The following ERCC1 variants were observed in gnomAD, a reference collection of about 807,000 sequenced individuals.
ERCC1 encodes the protein DNA excision repair protein ERCC-1.
In ERCC1, 36 loss-of-function variants were observed where a neutral mutation model predicts 37.6. The ratio of observed to expected loss-of-function variants is 0.96; its 90% confidence interval spans 0.73 to 1.26. ERCC1 has a LOEUF of 1.26. Among genes scored for constraint, ERCC1 ranks in the 50% most tolerant of loss-of-function variants. The pLI, the probability that ERCC1 is intolerant of heterozygous loss-of-function variation, is 0.00. For synonymous variants in ERCC1, 156 were observed against 162.1 expected, an observed-to-expected ratio of 0.96 and a Z score of 0.28; for missense variants, 349 against 376.5, an observed-to-expected ratio of 0.93 and a Z score of 0.60.
chr19:45,408,321 T>C lies in ERCC1; in HGVS notation c.*1354A>G. On this transcript the variant is annotated 3_prime_UTR_variant, in exon 10 of 10. Coordinates refer to ENST00000300853, the MANE Select transcript of ERCC1 (RefSeq NM_001983.4). Reference sequence around the variant, plus strand: ...GCCCCCCAGGGCACCCTAAGGATCCTTGAGGGTCCCCAGCAATCCCTGTCA... The same window carrying C: ...GCCCCCCAGGGCACCCTAAGGATCCCTGAGGGTCCCCAGCAATCCCTGTCA... 2 of 1,610,368 alleles carry C rather than the reference T, an allele frequency of 1.2e-6. No individual in the cohort carries two copies. The highest frequency in any genetic ancestry group is 8.5e-7 in the Non-Finnish European group (1 of 1,177,488).
At chr19:45,417,175 T>C (rs1351927477) in intron 5 of ERCC1, among the ~76,000 whole-genome samples, 1 of 152,104 alleles carries the variant, frequency 6.6e-6, no homozygotes, top group African/African-American at 2.4e-5. Context: ...TCTCACCCAA[T>C]TGTCACTCTC....
At chr19:45,428,239 C>A (rs1175110809), upstream of ERCC1, among the ~76,000 whole-genome samples, 6 of 143,152 alleles carry the variant, frequency 4.2e-5, no homozygotes, top group Admixed American at 4.2e-4. Context: ...CGCGCCACCA[C>A]GCCTGGCCAA....
intron 4 of ERCC1, 64 bp from the exon 5 acceptor site, chr19:45,419,261 T>A: frequency 8.8e-7 from 1 of 1,137,566 alleles, no homozygotes; most frequent in South Asian, 1.3e-5. Flanking sequence ...AAAGCCCTTT[T>A]CCCTCTCACT....
intron 2 of ERCC1, among the ~76,000 whole-genome samples, chr19:45,421,837 T>C (rs1473575878): frequency 6.6e-6 from 1 of 151,936 alleles, no homozygotes; most frequent in East Asian, 1.9e-4. Flanking sequence ...TTCAACATGT[T>C]GTCCAGGCTG....
At chr19:45,428,083 C>CTTTTTTTTTTTTTTTTT (rs5828235), upstream of ERCC1, among the ~76,000 whole-genome samples, 3 of 116,014 alleles carry the variant, frequency 2.6e-5, no homozygotes, top group African/African-American at 7.7e-5. Flanking sequence ...TTCTTTCTTT[C>CTTTTTTTTTTTTTTTTT]TTTTTTTTTT....
intron 1 of ERCC1, among the ~76,000 whole-genome samples, chr19:45,451,051 C>T (rs1036614140): frequency 4.6e-5 from 7 of 151,994 alleles, no homozygotes; most frequent in Admixed American, 2.0e-4. Flanking sequence ...GCCGGGAGCC[C>T]GGGGCGGGGG....
In ERCC1 at chr19:45,420,803, A is replaced by G. The variant is rs1974369638; in HGVS notation, c.321+375T>C. Among the ~76,000 whole-genome samples the G allele has an allele frequency of 6.6e-6, 1 of 151,978 alleles. No homozygotes were observed. Among genetic ancestry groups the G allele is most frequent in the Admixed American group, 6.6e-5 (1 of 15,238 alleles). The stretch of plus-strand genomic sequence containing the variant: ...ACGCCCAGCAACTTTTTGTGTTTTT[A>G]GTAGAGATGGGGTGTCACCATATTC... On this transcript the variant is annotated intron_variant, in intron 3 of 9. Coordinates refer to ENST00000300853, the MANE Select transcript of ERCC1 (RefSeq NM_001983.4). This position sits in a 1 kb window ranked among gnomAD's most constrained non-coding sequence, Gnocchi z 4.8.
chr19:45,408,558 T>C lies in ERCC1; in HGVS notation c.*1117A>G. 6.2e-7 allele frequency: 1 copy of C among 1,613,118 alleles called. No individual in the cohort carries two copies. The highest frequency in any genetic ancestry group is 8.5e-7 in the Non-Finnish European group (1 of 1,179,774). On this transcript the variant is annotated 3_prime_UTR_variant, in exon 10 of 10. Transcript: ENST00000300853. ...GAGGCAGTGAATGGGCACGGGGCCC[T>C]GGAGGTGGACATGGCTTTGGGGTCG... is the stretch of plus-strand genomic sequence containing the variant.
In ERCC1 at chr19:45,420,238, T is replaced by A; in HGVS notation, c.425+86A>T. 1.1e-6 allele frequency: 1 copy of A among 897,540 alleles called. No individual in the cohort carries two copies. Among genetic ancestry groups the A allele is most frequent in the East Asian group, 2.6e-5 (1 of 38,040 alleles). The allele number at this position is 897,540 out of a possible 1,614,324, so 55.6% of individuals were successfully genotyped here. A position where few individuals can be genotyped will look rare whatever the true frequency, so the allele number is the denominator to read the frequency against. ...CAGGACCATGCCCAGAGGCTTCTCATAGAACAGTCCAGAACACTGGGACAT... is the reference window on the plus strand; with the variant it reads ...CAGGACCATGCCCAGAGGCTTCTCAAAGAACAGTCCAGAACACTGGGACAT... On this transcript the variant is annotated intron_variant, in intron 4 of 9. Coordinates refer to ENST00000300853, the MANE Select transcript of ERCC1 (RefSeq NM_001983.4). This position sits in a 1 kb window ranked among gnomAD's most constrained non-coding sequence, Gnocchi z 4.8.
intron 1 of ERCC1, among the ~76,000 whole-genome samples, chr19:45,437,719 GAGA>G (rs769109774): frequency 6.6e-5 from 10 of 152,224 alleles, no homozygotes; most frequent in Non-Finnish European, 1.5e-4. Context: ...GTTGGGAAAA[GAGA>G]AGATGTTGAT....
At chr19:45,440,131 C>T (rs1975083221) in intron 1 of ERCC1, among the ~76,000 whole-genome samples, 1 of 151,824 alleles carries the variant, frequency 6.6e-6, no homozygotes, top group Admixed American at 6.6e-5. Flanking sequence ...TGCGACCCCG[C>T]CCCGCCGCTA....
Position 45,421,339 on chromosome 19 carries a change from G to C in ERCC1, c.160C>G (p.Gln54Glu). The change falls in exon 3 of 10, where the codon CAG (glutamine) becomes GAG (glutamate). Residue 54 changes from glutamine (Q) to glutamate (E), a missense_variant. Physicochemically the swap from Gln to Glu is conservative, Grantham distance 29 (BLOSUM62 2). Transcript: ENST00000300853. ...QSLPTVDTSA[Q>E]AAPQTYAEYA... ...TCGGCGTAGGTCTGAGGGGCCGCCT[G>C]GGCCGAGGTGTCCACAGTGGGAAGG... is the stretch of plus-strand genomic sequence containing the variant. 1 of 1,614,072 alleles carries C rather than the reference G, an allele frequency of 6.2e-7. No homozygotes were observed. Among genetic ancestry groups the C allele is most frequent in the Non-Finnish European group, 8.5e-7 (1 of 1,180,042 alleles).
chr19:45,418,185 T>C (rs1159631664), intron 5 of ERCC1, among the ~76,000 whole-genome samples: 2 of 151,816 alleles, frequency 1.3e-5, no homozygotes, highest in African/African-American at 4.8e-5. Flanking sequence ...GCATCTCTAC[T>C]AAAAATACAA....
At chr19:45,429,542 G>C (rs1974784235) in intron 1 of ERCC1, among the ~76,000 whole-genome samples, 1 of 152,134 alleles carries the variant, frequency 6.6e-6, no homozygotes, top group African/African-American at 2.4e-5. Context: ...CGGAAAGAGG[G>C]GAGGTGAACC....
chr19:45,423,588 T>A (rs934359242), intron 1 of ERCC1, 193 bp downstream of exon 1: 10 of 1,405,670 alleles, frequency 7.1e-6, no homozygotes, highest in Admixed American at 2.9e-5. Flanking sequence ...GGTCCACAAG[T>A]CCCATCGCTC....
In ERCC1 at chr19:45,413,555, C is replaced by A. The variant is rs200820405; in HGVS notation, c.843+122G>T. On this transcript the variant is annotated intron_variant, in intron 9 of 9. Coordinates refer to ENST00000300853, the MANE Select transcript of ERCC1 (RefSeq NM_001983.4). ...CCTCCCAAAATGTTGGGATTACAGG[C>A]GGAAGCCACTGTGTCTGGTCTTTGG... 7 of 1,612,692 alleles carry A rather than the reference C, an allele frequency of 4.3e-6. No homozygotes were observed. The Admixed American group carries it at 5.0e-5, about 12-fold the overall frequency.
intron 6 of ERCC1, chr19:45,415,700 G>A (rs1467611232): frequency 3.0e-5 from 11 of 369,376 alleles, no homozygotes; most frequent in East Asian, 1.1e-4. Context: ...CCCATCCCCC[G>A]CCAAATACAA....
intron 6 of ERCC1, 56 bp downstream of exon 6, chr19:45,416,765 G>GA (rs764053602): frequency 1.6e-5 from 22 of 1,348,146 alleles, no homozygotes; most frequent in Non-Finnish European, 2.3e-5. Context: ...TGGGATGGGG[G>GA]AGCAGGGACC....
chr19:45,446,926 A>G (rs1426168629), intron 1 of ERCC1, among the ~76,000 whole-genome samples: 1 of 152,080 alleles, frequency 6.6e-6, no homozygotes, highest in Non-Finnish European at 1.5e-5. Context: ...TGAACCCGGG[A>G]GGTGGAGGTT....
Sources: allele counts gnomAD v4.1 joint callset (sites outside exome capture counted in the v4.1 genomes callset), GRCh38; gene constraint gnomAD v4.1.1; non-coding constraint Gnocchi (gnomAD v3.1); transcripts MANE v1.5; gene names NCBI Gene and HGNC (gene_info 2026-07-23, HGNC 2026-07-21).